Variants in CCDC138 observed in about 807,000 individuals in gnomAD.
CCDC138 encodes the protein coiled-coil domain containing 138.
Under a neutral mutation model 82.3 loss-of-function variants are expected in CCDC138, and 66 were observed. The observed-to-expected ratio is 0.80, with a 90% CI of 0.66 to 0.98. The LOEUF is 0.98. Among genes scored for constraint, CCDC138 ranks in the 50% least tolerant of loss-of-function variants. CCDC138 has a pLI of 0.00. For synonymous variants in CCDC138, 297 were observed against 265.4 expected, an observed-to-expected ratio of 1.12 and a Z score of -1.16; for missense variants, 816 against 758.9, an observed-to-expected ratio of 1.08 and a Z score of -0.88.
At chr2:108,822,006 C>T (rs1685786566) in intron 10 of CCDC138, among the ~76,000 whole-genome samples, 1 of 150,748 alleles carries the variant, frequency 6.6e-6, no homozygotes, top group Non-Finnish European at 1.5e-5. Flanking sequence ...AAAAAACTAA[C>T]TAGAGTGGCT....
chr2:108,794,024 G>A (rs1017022865), intron 4 of CCDC138, among the ~76,000 whole-genome samples: 4 of 152,102 alleles, frequency 2.6e-5, no homozygotes, highest in African/African-American at 9.7e-5. Context: ...TTGCAAAATA[G>A]GATATACAGT....
chr2:108,873,911 T>TA (rs970670082), intron 14 of CCDC138, among the ~76,000 whole-genome samples: 7 of 151,598 alleles, frequency 4.6e-5, no homozygotes, highest in African/African-American at 1.2e-4. Flanking sequence ...CTTTGATTAT[T>TA]AAAAAAAAAT....
chr2:108,790,125 A>G (rs1679661593), intron 3 of CCDC138, among the ~76,000 whole-genome samples: 1 of 152,136 alleles, frequency 6.6e-6, no homozygotes, highest in South Asian at 2.1e-4. Context: ...TGGGTAAATA[A>G]TAAGTACTCA....
At chr2:108,820,710 A>AC (rs1685541524) in intron 10 of CCDC138, among the ~76,000 whole-genome samples, 1 of 55,970 alleles carries the variant, frequency 1.8e-5, no homozygotes, top group African/African-American at 9.5e-5. Context: ...AAAAAAAAAA[A>AC]AAAAACAAAC....
chr2:108,823,118 A>C (rs1000782290), intron 10 of CCDC138, among the ~76,000 whole-genome samples: 2 of 152,192 alleles, frequency 1.3e-5, no homozygotes, highest in Admixed American at 1.3e-4. Context: ...AAAATCTGAA[A>C]AGTCCAATGA....
At chr2:108,853,874 A>G (rs1296730962) in intron 12 of CCDC138, among the ~76,000 whole-genome samples, 4 of 125,654 alleles carry the variant, frequency 3.2e-5, no homozygotes, top group African/African-American at 1.2e-4. Flanking sequence ...TATATATACT[A>G]TATAATATAT....
At chr2:108,869,056 T>C (rs1250918916) in intron 13 of CCDC138, among the ~76,000 whole-genome samples, 1 of 152,228 alleles carries the variant, frequency 6.6e-6, no homozygotes, top group Non-Finnish European at 1.5e-5. Context: ...AGAAAATTTT[T>C]TTTTCATAAT....
rs558215447 is a variant in CCDC138 at position 108,811,434 on chromosome 2, T to A, written c.856-1197T>A. On this transcript the variant is annotated intron_variant, in intron 7 of 14. Coordinates refer to ENST00000295124, the MANE Select transcript of CCDC138 (RefSeq NM_144978.3). ...TAATTTTTTAATTTTGTTGTAGAGA[T>A]GAGGTCTTATTGTGTTGCTGAGGCT... Among the ~76,000 whole-genome samples, 8 of 151,794 alleles carry A rather than the reference T, an allele frequency of 5.3e-5. 1 individual carries two copies. In the South Asian group the frequency reaches 1.7e-3, roughly 32 times the overall value.
chr2:108,851,953 A>G (rs1691585975), intron 12 of CCDC138, among the ~76,000 whole-genome samples: 1 of 152,212 alleles, frequency 6.6e-6, no homozygotes, highest in Non-Finnish European at 1.5e-5. Flanking sequence ...TACAATCTGC[A>G]TTTGACAGAG....
chr2:108,797,494 G>A (rs921748381), intron 5 of CCDC138, among the ~76,000 whole-genome samples: 5 of 152,172 alleles, frequency 3.3e-5, no homozygotes, highest in African/African-American at 1.2e-4. Flanking sequence ...ATTCTGAAAT[G>A]AGAGACCTCA....
At chr2:108,839,906 C>T (rs1005023415) in intron 11 of CCDC138, among the ~76,000 whole-genome samples, 5 of 151,382 alleles carry the variant, frequency 3.3e-5, no homozygotes, top group African/African-American at 9.7e-5. Context: ...AGCAGTATGT[C>T]GAATATGATG....
At chr2:108,813,019 ATG>A in intron 9 of CCDC138, 92 bp downstream of exon 9, 3 of 967,196 alleles carry the variant, frequency 3.1e-6, no homozygotes, top group Non-Finnish European at 4.7e-6. Context: ...GGAGGCTGAG[ATG>A]GGCGGATCAC....
chr2:108,868,563 C>G (rs559280223), intron 13 of CCDC138, among the ~76,000 whole-genome samples: 1 of 152,306 alleles, frequency 6.6e-6, no homozygotes, highest in East Asian at 1.9e-4. Context: ...AAAACTTTCT[C>G]CTCCAGCCTT....
intron 10 of CCDC138, among the ~76,000 whole-genome samples, chr2:108,831,479 G>A (rs1687608443): frequency 6.6e-6 from 1 of 152,150 alleles, no homozygotes; most frequent in Non-Finnish European, 1.5e-5. Flanking sequence ...TTGGTATTTA[G>A]AGGGGATAAA....
chr2:108,814,655 A>G (rs1198147892), intron 9 of CCDC138, among the ~76,000 whole-genome samples: 1 of 149,980 alleles, frequency 6.7e-6, no homozygotes, highest in East Asian at 1.9e-4. Context: ...TTTATTTTTT[A>G]ATTTATTAAT....
Position 108,839,283 on chromosome 2 carries a change from G to C in CCDC138, c.1305G>C (p.Gln435His). Residue 435 changes from glutamine (Q) to histidine (H), a missense_variant, in exon 11 of 15, where the codon CAG (glutamine) becomes CAC (histidine). Transcript: ENST00000295124. Reference protein sequence around the residue: ...FVKFIYWSLRQLDAGAQHSTM... With the variant: ...FVKFIYWSLRHLDAGAQHSTM... Reference sequence around the variant, plus strand: ...AATTTATATATTGGTCCCTAAGGCAGCTAGATGCTGGAGCACAGGTAATTG... The same window carrying C: ...AATTTATATATTGGTCCCTAAGGCACCTAGATGCTGGAGCACAGGTAATTG... The C allele has an allele frequency of 6.2e-7, 1 of 1,611,596 alleles. No individual in the cohort carries two copies. The highest frequency in any genetic ancestry group is 8.5e-7 in the Non-Finnish European group (1 of 1,178,926).
At chr2:108,878,131 C>A (rs1696159440), downstream of CCDC138, among the ~76,000 whole-genome samples, 1 of 152,188 alleles carries the variant, frequency 6.6e-6, no homozygotes, top group South Asian at 2.1e-4. Flanking sequence ...TTTATTAAAT[C>A]AACCTCATAT....
rs1486486136 is a variant in CCDC138 at position 108,831,351 on chromosome 2, C to T, written c.1207-7834C>T. The stretch of plus-strand genomic sequence containing the variant: ...ACTACTGCCACCCTATGAATGAGGA[C>T]CATTGTTACTTTTTTAGTAGGACAA... On this transcript the variant is annotated intron_variant, in intron 10 of 14. Transcript: ENST00000295124. 2.6e-5 allele frequency among the ~76,000 whole-genome samples: 4 copies of T among 152,074 alleles called. No homozygotes were observed. The East Asian group carries it at 5.8e-4, about 22-fold the overall frequency.
chr2:108,827,248 A>C (rs912133063), intron 10 of CCDC138, among the ~76,000 whole-genome samples: 2 of 152,240 alleles, frequency 1.3e-5, no homozygotes, highest in African/African-American at 4.8e-5. Context: ...ATTAGAACTC[A>C]TGATTTCAGT....
Sources: allele counts gnomAD v4.1 joint callset (sites outside exome capture counted in the v4.1 genomes callset), GRCh38; gene constraint gnomAD v4.1.1; transcripts MANE v1.5; gene names NCBI Gene and HGNC (gene_info 2026-07-23, HGNC 2026-07-21).